The following ARHGEF4 variants were observed in gnomAD, a reference collection of about 807,000 sequenced individuals.
ARHGEF4 encodes the protein Rho guanine nucleotide exchange factor 4.
Under a neutral mutation model 162.0 loss-of-function variants are expected in ARHGEF4, and 119 were observed. The observed-to-expected ratio is 0.73, with a 90% CI of 0.63 to 0.86. The LOEUF (loss-of-function observed/expected upper bound fraction) is 0.86, where lower values mean the gene tolerates loss of function less well. Ranked by LOEUF, ARHGEF4 falls within the 40% of genes least tolerant of loss-of-function variation. ARHGEF4 has a pLI of 0.00. For missense variants in ARHGEF4, 2,488 were observed against 2,456.0 expected (o/e 1.01, Z -0.28); for synonymous variants, 1,014 against 979.9 (o/e 1.03, Z -0.65).
intron 1 of ARHGEF4, among the ~76,000 whole-genome samples, chr2:130,891,644 G>A (rs1485088896): frequency 2.0e-5 from 3 of 152,172 alleles, no homozygotes; most frequent in East Asian, 1.9e-4. Context: ...GCTTGCAGAC[G>A]GCCGCCTTCT....
At chr2:130,941,539 A>G (rs1291767347) in intron 3 of ARHGEF4, among the ~76,000 whole-genome samples, 1 of 152,180 alleles carries the variant, frequency 6.6e-6, no homozygotes, top group African/African-American at 2.4e-5. Flanking sequence ...AAATTTAACT[A>G]TTAATAGCCT....
chr2:130,948,887 A>G (rs1683782753), intron 4 of ARHGEF4, among the ~76,000 whole-genome samples: 1 of 152,232 alleles, frequency 6.6e-6, no homozygotes, highest in African/African-American at 2.4e-5. Context: ...AGCCTGGACT[A>G]TCCTGGAGTT....
intron 4 of ARHGEF4, among the ~76,000 whole-genome samples, chr2:130,963,421 A>G (rs983092636): frequency 6.6e-6 from 1 of 151,728 alleles, no homozygotes; most frequent in African/African-American, 2.4e-5. Flanking sequence ...CTCGCCCTGG[A>G]TGGCGTGGGA....
intron 2 of ARHGEF4, among the ~76,000 whole-genome samples, chr2:130,922,752 C>T (rs1172394962): frequency 4.2e-5 from 5 of 120,022 alleles, no homozygotes; most frequent in African/African-American, 7.6e-5. Flanking sequence ...AAAGGGCTCA[C>T]ATTCCTCAGA....
chr2:131,021,566 A>G (rs1689137601), intron 4 of ARHGEF4, among the ~76,000 whole-genome samples: 1 of 152,242 alleles, frequency 6.6e-6, no homozygotes, highest in African/African-American at 2.4e-5. Context: ...GGACATAGGC[A>G]TGGGCAAGGA....
chr2:130,897,390 G>A (rs984459038), intron 1 of ARHGEF4, among the ~76,000 whole-genome samples: 3 of 152,176 alleles, frequency 2.0e-5, no homozygotes, highest in East Asian at 1.9e-4. Flanking sequence ...GTGCTTCCGC[G>A]GAGCTGAGAG....
At chr2:130,938,361 A>G (rs111549504) in intron 3 of ARHGEF4, among the ~76,000 whole-genome samples, 11 of 152,266 alleles carry the variant, frequency 7.2e-5, no homozygotes, top group African/African-American at 2.4e-4. Context: ...AATTTTTACC[A>G]TAATAGTAAT....
At chr2:130,875,336 C>A (rs2104943432) in intron 1 of ARHGEF4, among the ~76,000 whole-genome samples, 1 of 152,282 alleles carries the variant, frequency 6.6e-6, no homozygotes, top group Middle Eastern at 3.4e-3. Context: ...TACCTACTGT[C>A]TGAGTCAGTT....
At chr2:130,853,658 G>A (rs140365913) in intron 1 of ARHGEF4, among the ~76,000 whole-genome samples, 7 of 152,304 alleles carry the variant, frequency 4.6e-5, no homozygotes, top group African/African-American at 7.2e-5. Context: ...AACGTCTCCC[G>A]TTGTCTTTGG....
intron 1 of ARHGEF4, among the ~76,000 whole-genome samples, chr2:130,887,417 A>G (rs4850262): frequency 0.31 from 46,638 of 151,908 alleles, 9,750 homozygotes; most frequent in African/African-American, 0.57. Context: ...TAACAATATT[A>G]AGCCTAGTTT....
chr2:130,894,747 T>G (rs1331236658), intron 1 of ARHGEF4, among the ~76,000 whole-genome samples: 2 of 152,154 alleles, frequency 1.3e-5, no homozygotes, highest in Non-Finnish European at 2.9e-5. Flanking sequence ...CTGTCCCTGG[T>G]CTGTGGCTCC....
chr2:130,841,727 C>G (rs1037738256), intron 1 of ARHGEF4, among the ~76,000 whole-genome samples: 1 of 152,176 alleles, frequency 6.6e-6, no homozygotes, highest in African/African-American at 2.4e-5. Context: ...CTTTTGGCTC[C>G]CCTGGAGACA....
chr2:130,844,554 C>T (rs750814763), intron 1 of ARHGEF4, among the ~76,000 whole-genome samples: 1 of 152,124 alleles, frequency 6.6e-6, no homozygotes, highest in African/African-American at 2.4e-5. Context: ...AAAGATTGCC[C>T]ATGCTCGAGA....
rs189617360 is a variant in ARHGEF4, at chr2:130,922,241, C to T, written c.3552+4743C>T. ...CAAAAATTAGCCGGGCATGGTGGCG[C>T]ATGCATATAATCGCAGCTAGTTGGG... On this transcript the variant is annotated intron_variant, in intron 2 of 13. Transcript: ENST00000409359. Among the ~76,000 whole-genome samples, 328 of 151,748 alleles carry T rather than the reference C, an allele frequency of 2.2e-3. 1 individual carries two copies. Among genetic ancestry groups the T allele is most frequent in the African/African-American group, 7.7e-3 (318 of 41,400 alleles).
intron 4 of ARHGEF4, among the ~76,000 whole-genome samples, chr2:130,982,836 C>G (rs2105257150): frequency 6.6e-6 from 1 of 152,190 alleles, no homozygotes. Context: ...TTTTAGATAA[C>G]TTCTGAATTA....
At chr2:131,000,990 T>C (rs1667169223) in intron 4 of ARHGEF4, among the ~76,000 whole-genome samples, 1 of 152,034 alleles carries the variant, frequency 6.6e-6, no homozygotes, top group African/African-American at 2.4e-5. Context: ...GACAAAGGAT[T>C]GATGTAAAGA....
intron 1 of ARHGEF4, among the ~76,000 whole-genome samples, chr2:130,838,118 G>A (rs1326987359): frequency 2.0e-5 from 3 of 152,240 alleles, no homozygotes; most frequent in Admixed American, 6.5e-5. Flanking sequence ...AGCCTTTCAG[G>A]AACCTGTGCT....
At chr2:130,997,600 A>C (rs1236814400) in intron 4 of ARHGEF4, among the ~76,000 whole-genome samples, 4 of 152,192 alleles carry the variant, frequency 2.6e-5, no homozygotes, top group Non-Finnish European at 5.9e-5. Context: ...TTTTGGCAAT[A>C]ACCTTTGTGA....
chr2:131,026,362 A>T (rs916763447), intron 4 of ARHGEF4, among the ~76,000 whole-genome samples: 2 of 152,330 alleles, frequency 1.3e-5, no homozygotes, highest in East Asian at 3.9e-4. Context: ...ATAGGACTAG[A>T]TTGACAGATT....
Sources: gnomAD v4.1 joint callset for allele counts (sites outside exome capture counted in the v4.1 genomes callset) on GRCh38, gnomAD v4.1.1 for gene constraint, MANE v1.5 for transcripts, NCBI Gene and HGNC (gene_info 2026-07-23, HGNC 2026-07-21) for gene names.